MROH1: variants seen among roughly 807,000 people sequenced by gnomAD.
MROH1 encodes maestro heat-like repeat-containing protein family member 1.
Under a neutral mutation model 116.5 loss-of-function variants are expected in MROH1, and 117 were observed. The ratio of observed to expected loss-of-function variants is 1.00; its 90% CI spans 0.86 to 1.17. The LOEUF is 1.17. Among genes scored for constraint, MROH1 ranks in the 50% most tolerant of loss-of-function variants. The pLI is 0.00. For synonymous variants in MROH1, 921 were observed against 583.9 expected, an observed-to-expected ratio of 1.58 and a Z score of -8.32; for missense variants, 1,873 against 1,338.5, an observed-to-expected ratio of 1.40 and a Z score of -6.23.
At chr8:144,237,744 G>A (rs1164708992) in intron 14 of MROH1, among the ~76,000 whole-genome samples, 5 of 152,082 alleles carry the variant, frequency 3.3e-5, no homozygotes, top group Non-Finnish European at 7.4e-5. Flanking sequence ...CCTGTCGCTG[G>A]GATTTTCCTT....
rs1841517996 is a variant in MROH1, at chr8:144,244,340, T to C, written c.2670+4T>C. On this transcript the variant is annotated splice_donor_region_variant and intron_variant, in intron 27 of 43. Coordinates refer to ENST00000326134, the MANE Select transcript of MROH1 (RefSeq NM_032450.3). ...GGAGGACGGAGGCTGCCAGAAGGTA[T>C]CCCTGTGTTTCCCTTGCCTGTGTCC... The C allele has an allele frequency of 1.4e-6, 1 of 720,264 alleles. No homozygotes were observed. Among genetic ancestry groups the C allele is most frequent in the Admixed American group, 2.0e-5 (1 of 50,136 alleles). The allele number at this position is 720,264 out of a possible 1,614,324, so 44.6% of individuals were successfully genotyped here. A position where few individuals can be genotyped will look rare whatever the true frequency, so the allele number is the denominator to read the frequency against.
Position 144,261,308 on chromosome 8 carries a change from C to G in MROH1, c.4799C>G (p.Pro1600Arg). 1.4e-6 allele frequency: 1 copy of G among 728,018 alleles called. No homozygotes were observed. Among genetic ancestry groups the G allele is most frequent in the Non-Finnish European group, 2.5e-6 (1 of 400,760 alleles). The allele number at this position is 728,018 out of a possible 1,614,324, so 45.1% of individuals were successfully genotyped here. Residue 1600 changes from proline (P) to arginine (R), a missense_variant, in exon 43 of 44, where the codon CCC (proline) becomes CGC (arginine). By Grantham distance (103) the Pro-to-Arg change is moderately radical (BLOSUM62 -2). Transcript: ENST00000326134. The stretch of plus-strand genomic sequence containing the variant: ...GGGTTCCTGGTGCTGCACTCGGAGC[C>G]CAGGCAGCAGCCGCAGGTGGACCTG... ...FTGFLVLHSEPRQQPQVDLDQ... is the reference protein window; with the variant it reads ...FTGFLVLHSERRQQPQVDLDQ...
intron 1 of MROH1, among the ~76,000 whole-genome samples, chr8:144,152,618 C>T (rs1234581504): frequency 2.0e-5 from 3 of 151,808 alleles, no homozygotes; most frequent in Non-Finnish European, 4.4e-5. Flanking sequence ...GCAATCTCGG[C>T]TCACTGGAAG....
intron 12 of MROH1, among the ~76,000 whole-genome samples, chr8:144,219,308 CACCGCGCCCG>C (rs1360772857): frequency 6.6e-6 from 1 of 152,102 alleles, no homozygotes; most frequent in Non-Finnish European, 1.5e-5. Flanking sequence ...AGGCGTGAGC[CACCGCGCCCG>C]ACCAATTTTT....
intron 4 of MROH1, chr8:144,175,269 C>T (rs1221722665): frequency 3.4e-5 from 22 of 637,838 alleles, no homozygotes; most frequent in Non-Finnish European, 1.5e-5. Flanking sequence ...TATAAATGCC[C>T]TGCTGCACCC....
At chr8:144,237,717 G>T (rs1840286507) in intron 14 of MROH1, among the ~76,000 whole-genome samples, 1 of 151,988 alleles carries the variant, frequency 6.6e-6, no homozygotes, top group East Asian at 1.9e-4. Context: ...TTATTTCACG[G>T]TTATACTTTT....
chr8:144,242,494 C>G lies in MROH1; in HGVS notation c.2304C>G (p.Ile768Met). 1 of 780,720 alleles carries G rather than the reference C, an allele frequency of 1.3e-6. No homozygotes were observed. Among genetic ancestry groups the G allele is most frequent in the Non-Finnish European group, 2.4e-6 (1 of 417,828 alleles). 48.4% of individuals were successfully genotyped at this position (780,720 alleles called of 1,614,324 possible). The stretch of plus-strand genomic sequence containing the variant: ...TAGAGTCAGACATCCTCCGGAACAT[C>G]TGCCAGCACTTCAGCACCAAGGTGG... ...AKVESDILRN[I>M]CQHFSTKVLG... Residue 768 changes from isoleucine to methionine, a missense_variant, in exon 23 of 44, where the codon ATC becomes ATG. Transcript: ENST00000326134.
intron 26 of MROH1, 121 bp from the exon 27 acceptor site, chr8:144,244,101 C>T (rs2132992655): frequency 1.4e-6 from 1 of 698,810 alleles, no homozygotes; most frequent in South Asian, 1.5e-5. Context: ...TGGGGTGCCG[C>T]CATGGTCTGG....
chr8:144,202,819 G>A (rs1395384536), intron 12 of MROH1, among the ~76,000 whole-genome samples: 1 of 44,496 alleles, frequency 2.2e-5, no homozygotes. Flanking sequence ...CTCTGTGGAG[G>A]GGCGGGGGGG....
chr8:144,152,555 A>ATTATTATTATTTTTTT (rs1369841266), intron 1 of MROH1, among the ~76,000 whole-genome samples: 2 of 130,528 alleles, frequency 1.5e-5, no homozygotes, highest in African/African-American at 5.6e-5. Flanking sequence ...TATTATTATT[A>ATTATTATTATTTTTTT]TTTTTTTTTT....
At chr8:144,231,120 TG>T (rs1838800784) in intron 14 of MROH1, among the ~76,000 whole-genome samples, 1 of 146,588 alleles carries the variant, frequency 6.8e-6, no homozygotes, top group Non-Finnish European at 1.5e-5. Flanking sequence ...AGCACAGGGT[TG>T]GGGGTAAGGT....
rs1840818469 is a variant in MROH1 at position 144,240,678 on chromosome 8, G to A, written c.1935+1G>A. On this transcript the variant is annotated splice_donor_variant, in intron 20 of 43. Transcript: ENST00000326134. LOFTEE classifies it high-confidence loss of function. The stretch of plus-strand genomic sequence containing the variant: ...CTACGATGAGGCACCCCAGGAGAAG[G>A]TGGGGCACCTGCTGGCGTTCTTGGT... The A allele has an allele frequency of 1.4e-6, 1 of 716,312 alleles. No homozygotes were observed. The allele number at this position is 716,312 out of a possible 1,614,324, so 44.4% of individuals were successfully genotyped here. A position where few individuals can be genotyped will look rare whatever the true frequency, so the allele number is the denominator to read the frequency against.
intron 12 of MROH1, among the ~76,000 whole-genome samples, chr8:144,208,070 C>T (rs1423442843): frequency 2.6e-5 from 4 of 151,792 alleles, no homozygotes; most frequent in East Asian, 1.9e-4. Flanking sequence ...CTCAGCCTCC[C>T]GAGTATCTGG....
intron 13 of MROH1, among the ~76,000 whole-genome samples, chr8:144,220,939 G>A (rs921438575): frequency 1.3e-5 from 2 of 152,168 alleles, no homozygotes; most frequent in African/African-American, 4.8e-5. Context: ...AGGCTCAGTT[G>A]TTCTCTAGAA....
At chr8:144,197,338 G>A (rs1222095814) in intron 10 of MROH1, among the ~76,000 whole-genome samples, 1 of 147,828 alleles carries the variant, frequency 6.8e-6, no homozygotes, top group Non-Finnish European at 1.5e-5. Flanking sequence ...CCATAAGGCC[G>A]CTTGAGTGTC....
At chr8:144,206,913 G>A (rs1222053512) in intron 12 of MROH1, among the ~76,000 whole-genome samples, 7 of 151,212 alleles carry the variant, frequency 4.6e-5, no homozygotes, top group Admixed American at 3.3e-4. Context: ...CACGCCTGTA[G>A]TTCCAGCTAC....
Position 144,243,626 on chromosome 8 carries a change from G to A in MROH1, c.2475+10G>A. 1.3e-6 allele frequency: 1 copy of A among 778,130 alleles called. No homozygotes were observed. The highest frequency in any genetic ancestry group is 2.4e-6 in the Non-Finnish European group (1 of 417,604). 48.2% of individuals were successfully genotyped at this position (778,130 alleles called of 1,614,324 possible). ...GGTGGCACAGATGATGGTGAGCGTG[G>A]CCGTGGCCTGGCAGGTCCTCAGGCA... is the stretch of plus-strand genomic sequence containing the variant. On this transcript the variant is annotated intron_variant, in intron 25 of 43. Transcript: ENST00000326134.
At chr8:144,167,290 G>GTT (rs1196727325) in intron 3 of MROH1, among the ~76,000 whole-genome samples, 10 of 142,200 alleles carry the variant, frequency 7.0e-5, no homozygotes, top group Non-Finnish European at 9.3e-5. Flanking sequence ...GTGGCCGGTT[G>GTT]GGGTGGAGTG....
intron 12 of MROH1, among the ~76,000 whole-genome samples, chr8:144,218,715 C>T (rs186460586): frequency 7.2e-4 from 7 of 9,710 alleles, no homozygotes; most frequent in Admixed American, 1.3e-3. Context: ...CCCTCCTGTC[C>T]CCCCTCCCCT....
Sources: allele counts gnomAD v4.1 joint callset (sites outside exome capture counted in the v4.1 genomes callset), GRCh38; gene constraint gnomAD v4.1.1; transcripts MANE v1.5; gene names NCBI Gene and HGNC (gene_info 2026-07-23, HGNC 2026-07-21).